Variants in PLCB4 observed in about 807,000 individuals in gnomAD.
PLCB4 encodes the protein 1-phosphatidylinositol 4,5-bisphosphate phosphodiesterase beta-4.
A neutral mutation model predicts 178.8 loss-of-function variants in PLCB4; 77 were observed. The ratio of observed to expected loss-of-function variants is 0.43; its 90% CI spans 0.36 to 0.52. The LOEUF is 0.52. PLCB4 is among the 20% of genes least tolerant of loss of function. PLCB4 has a pLI of 0.00. For missense variants in PLCB4, 1,024 were observed against 1,453.4 expected (o/e 0.70, Z 4.80); for synonymous variants, 496 against 490.8 (o/e 1.01, Z -0.14).
At position 9,273,973 on chromosome 20, in the gene PLCB4, G is replaced by A. The variant is rs939632023; in HGVS notation, c.-15-33827G>A. ...GCTTTGCAGCAGCCCAGGAAAGGAC[G>A]GATTAATACAAAACTAGAGTCAGGG... On this transcript the variant is annotated intron_variant, in intron 3 of 39. Transcript: ENST00000378473. 6.6e-5 allele frequency among the ~76,000 whole-genome samples: 10 copies of A among 152,028 alleles called. No homozygotes were observed. In the East Asian group the frequency reaches 7.8e-4, roughly 12 times the overall value.
At chr20:9,222,146 A>G (rs1450638275) in intron 3 of PLCB4, among the ~76,000 whole-genome samples, 1 of 150,078 alleles carries the variant, frequency 6.7e-6, no homozygotes, top group African/African-American at 2.5e-5. Flanking sequence ...GCTGGAGTGC[A>G]GTGGCTTGAC....
chr20:9,368,463 T>C (rs949622152), intron 9 of PLCB4, among the ~76,000 whole-genome samples: 1 of 152,044 alleles, frequency 6.6e-6, no homozygotes, highest in African/African-American at 2.4e-5. Context: ...GGGAAGTGAG[T>C]AGCCAGACAG....
intron 3 of PLCB4, among the ~76,000 whole-genome samples, chr20:9,232,487 A>T (rs2093943735): frequency 6.6e-6 from 1 of 152,158 alleles, no homozygotes; most frequent in African/African-American, 2.4e-5. Context: ...AATAAACAAG[A>T]AAACCATTCA....
chr20:9,372,801 T>TAA (rs199930688), intron 11 of PLCB4, among the ~76,000 whole-genome samples: 17 of 143,422 alleles, frequency 1.2e-4, no homozygotes, highest in African/African-American at 3.5e-4. Context: ...TTGAAAACGG[T>TAA]AAAAAAAAAA....
intron 7 of PLCB4, among the ~76,000 whole-genome samples, chr20:9,357,794 A>C (rs2034969665): frequency 6.6e-6 from 1 of 152,176 alleles, no homozygotes; most frequent in Admixed American, 6.5e-5. Flanking sequence ...GTGAGAAATA[A>C]ATTTCTGTTG....
rs369097822 is a variant in PLCB4, at chr20:9,115,273, C to A, written c.-79+18931C>A. Among the ~76,000 whole-genome samples, 7 of 152,004 alleles carry A rather than the reference C, an allele frequency of 4.6e-5. No individual in the cohort carries two copies. The South Asian group carries it at 1.0e-3, about 23-fold the overall frequency. On this transcript the variant is annotated intron_variant, in intron 2 of 39. Transcript: ENST00000378473. ...TTGAAACGAGAACAGTGCTGATGGTCCTCATAGAAACTGAGGTGGAATGTG... is the reference window on the plus strand; with the variant it reads ...TTGAAACGAGAACAGTGCTGATGGTACTCATAGAAACTGAGGTGGAATGTG...
At chr20:9,188,437 G>A (rs1051967408) in intron 2 of PLCB4, among the ~76,000 whole-genome samples, 2 of 152,166 alleles carry the variant, frequency 1.3e-5, no homozygotes, top group African/African-American at 4.8e-5. Context: ...GAGGTGGAGG[G>A]GAATTCAGAC....
chr20:9,378,804 C>T lies in PLCB4; in HGVS notation c.745-1250C>T, dbSNP rs2036897770. 2.0e-5 allele frequency among the ~76,000 whole-genome samples: 3 copies of T among 152,000 alleles called. No individual in the cohort carries two copies. In the South Asian group the frequency reaches 6.2e-4, roughly 32 times the overall value. ...TAACTCGGTGGGGGAGGAGGGGACC[C>T]AGAAAAGGCTGGGCCCCATATGCAT... is the stretch of plus-strand genomic sequence containing the variant. On this transcript the variant is annotated intron_variant, in intron 12 of 39. Coordinates refer to ENST00000378473, the MANE Select transcript of PLCB4 (RefSeq NM_001377142.1).
Position 9,362,882 on chromosome 20 carries a change from T to C in PLCB4, c.370-14T>C, listed in dbSNP as rs2035468088. On this transcript the variant is annotated splice_polypyrimidine_tract_variant and intron_variant, in intron 7 of 39. Transcript: ENST00000378473. ...AGATTTGCTCACCAAGAATATTTTT[T>C]CTTTCTCTTTCAGCAATGGGTAGAA... The C allele has an allele frequency of 6.3e-7, 1 of 1,590,340 alleles. No individual in the cohort carries two copies. Among genetic ancestry groups the C allele is most frequent in the Non-Finnish European group, 8.6e-7 (1 of 1,159,128 alleles).
At chr20:9,079,949 A>T (rs944812839) in intron 1 of PLCB4, among the ~76,000 whole-genome samples, 3 of 152,234 alleles carry the variant, frequency 2.0e-5, no homozygotes, top group African/African-American at 7.2e-5. Flanking sequence ...TAGATAGGAC[A>T]GACAGAAGGG....
intron 7 of PLCB4, among the ~76,000 whole-genome samples, chr20:9,362,158 TG>T (rs1353295740): frequency 6.6e-6 from 1 of 152,206 alleles, no homozygotes; most frequent in Middle Eastern, 3.2e-3. Context: ...GATTCTTCTA[TG>T]GCATTCATTG....
At chr20:9,208,341 G>A (rs551002089) in intron 2 of PLCB4, among the ~76,000 whole-genome samples, 2 of 152,202 alleles carry the variant, frequency 1.3e-5, no homozygotes, top group East Asian at 3.9e-4. Flanking sequence ...ATAAAACACT[G>A]AGAGTGGTAC....
At chr20:9,312,229 G>T (rs1163943227) in intron 4 of PLCB4, among the ~76,000 whole-genome samples, 7 of 152,024 alleles carry the variant, frequency 4.6e-5, no homozygotes, top group African/African-American at 1.7e-4. Flanking sequence ...CCCAGCTCGG[G>T]CTACCCCTTC....
At chr20:9,163,989 A>G (rs1568872060) in intron 2 of PLCB4, among the ~76,000 whole-genome samples, 1 of 152,234 alleles carries the variant, frequency 6.6e-6, no homozygotes, top group Non-Finnish European at 1.5e-5. Context: ...TCATCCAAAA[A>G]AGTGATTATA....
intron 28 of PLCB4, among the ~76,000 whole-genome samples, chr20:9,432,295 T>A (rs866905858): frequency 6.6e-6 from 1 of 152,250 alleles, no homozygotes; most frequent in Non-Finnish European, 1.5e-5. Flanking sequence ...TTATTGATTC[T>A]GTAACTTGTT....
intron 8 of PLCB4, 75 bp downstream of exon 8, chr20:9,363,050 G>A: frequency 2.8e-6 from 3 of 1,080,870 alleles, no homozygotes; most frequent in Non-Finnish European, 4.2e-6. Flanking sequence ...TGAAGGCTAG[G>A]TGGTTCCTTC....
intron 3 of PLCB4, among the ~76,000 whole-genome samples, chr20:9,228,136 A>G (rs2093889305): frequency 6.6e-6 from 1 of 152,212 alleles, no homozygotes; most frequent in African/African-American, 2.4e-5. Flanking sequence ...GGAAAAGAGC[A>G]AATGTATGAG....
chr20:9,131,729 C>T (rs2092277484), intron 2 of PLCB4, among the ~76,000 whole-genome samples: 3 of 152,162 alleles, frequency 2.0e-5, no homozygotes, highest in Admixed American at 1.3e-4. Context: ...ACTCTGCCTC[C>T]TATCACTCAT....
intron 2 of PLCB4, among the ~76,000 whole-genome samples, chr20:9,165,196 G>A (rs113749945): frequency 1.5e-3 from 234 of 152,258 alleles, no homozygotes; most frequent in African/African-American, 5.2e-3. Context: ...CTTCTCGAGG[G>A]CACAAAACAT....
Sources: gnomAD v4.1 joint callset for allele counts (sites outside exome capture counted in the v4.1 genomes callset) on GRCh38, gnomAD v4.1.1 for gene constraint, MANE v1.5 for transcripts, NCBI Gene and HGNC (gene_info 2026-07-23, HGNC 2026-07-21) for gene names.